Variants in ADK observed in about 807,000 individuals in gnomAD.
ADK encodes adenosine kinase.
ADK carries 24 observed loss-of-function variants against 44.7 expected under a neutral mutation model. The observed-to-expected ratio is 0.54, with a 90% CI of 0.39 to 0.76. The LOEUF (loss-of-function observed/expected upper bound fraction) is 0.76, where lower values mean the gene tolerates loss of function less well. ADK is among the 30% of genes least tolerant of loss of function. ADK has a pLI of 0.00. For missense variants in ADK, 321 were observed against 425.1 expected, an observed-to-expected ratio of 0.76 and a Z score of 2.15; for synonymous variants, 128 against 142.6, an observed-to-expected ratio of 0.90 and a Z score of 0.73.
intron 7 of ADK, among the ~76,000 whole-genome samples, chr10:74,531,655 TC>T (rs1353749282): frequency 6.6e-6 from 1 of 152,056 alleles, no homozygotes; most frequent in East Asian, 1.9e-4. Context: ...TACCTCAACC[TC>T]CCGAGAAGCT....
intron 7 of ADK, among the ~76,000 whole-genome samples, chr10:74,575,422 T>C (rs1007479423): frequency 1.6e-4 from 24 of 152,038 alleles, no homozygotes; most frequent in Non-Finnish European, 2.8e-4. Context: ...CTCCTGGAGG[T>C]AGAGAAAGGA....
chr10:74,335,029 C>G (rs1257078729), intron 4 of ADK, among the ~76,000 whole-genome samples: 2 of 152,130 alleles, frequency 1.3e-5, no homozygotes, highest in Non-Finnish European at 2.9e-5. Flanking sequence ...TAACCCTTCC[C>G]TCTCTAGCCT....
intron 4 of ADK, among the ~76,000 whole-genome samples, chr10:74,377,940 T>G (rs909745215): frequency 2.0e-5 from 3 of 152,138 alleles, no homozygotes; most frequent in Admixed American, 6.5e-5. Context: ...TCTAATAAAA[T>G]TTTTGGGTGA....
intron 7 of ADK, among the ~76,000 whole-genome samples, chr10:74,564,441 C>T (rs1169091213): frequency 6.6e-6 from 1 of 152,124 alleles, no homozygotes; most frequent in African/African-American, 2.4e-5. Flanking sequence ...TCCCATAATA[C>T]ATTTTGCTTT....
At chr10:74,486,922 G>A (rs529975679) in intron 6 of ADK, among the ~76,000 whole-genome samples, 14 of 152,148 alleles carry the variant, frequency 9.2e-5, no homozygotes, top group African/African-American at 3.4e-4. Flanking sequence ...AGATCTATGT[G>A]TACTATTTGT....
At chr10:74,550,891 G>A (rs145294824) in intron 7 of ADK, among the ~76,000 whole-genome samples, 16 of 152,208 alleles carry the variant, frequency 1.1e-4, no homozygotes, top group African/African-American at 3.1e-4. Flanking sequence ...TCGCTATGTT[G>A]CAGGTTTCAC....
rs199964125 is a variant in ADK at position 74,219,605 on chromosome 10, A to C, written c.141-4933A>C. Among the ~76,000 whole-genome samples the C allele has an allele frequency of 4.1e-3, 621 of 152,170 alleles. 6 individuals carry two copies. Among genetic ancestry groups the C allele is most frequent in the African/African-American group, 0.014 (578 of 41,490 alleles). On this transcript the variant is annotated intron_variant, in intron 2 of 10. Transcript: ENST00000539909. ...CACACCACACCTATTCCAAAATTGA[A>C]CACATAGTTGGAAGTAAAGCTCTCC... is the stretch of plus-strand genomic sequence containing the variant.
At chr10:74,260,773 A>C (rs1474807525) in intron 3 of ADK, among the ~76,000 whole-genome samples, 2 of 152,212 alleles carry the variant, frequency 1.3e-5, no homozygotes, top group Non-Finnish European at 2.9e-5. Flanking sequence ...TTTAAATATC[A>C]TCGAAGTTGA....
chr10:74,255,828 T>C (rs1158276147), intron 3 of ADK, among the ~76,000 whole-genome samples: 2 of 152,222 alleles, frequency 1.3e-5, no homozygotes, highest in African/African-American at 2.4e-5. Flanking sequence ...CATACTGCTG[T>C]TCTTTAAGAC....
chr10:74,170,712 A>G (rs1191988638), intron 1 of ADK, among the ~76,000 whole-genome samples: 1 of 151,180 alleles, frequency 6.6e-6, no homozygotes, highest in Admixed American at 6.6e-5. Flanking sequence ...AGGCAGGAGA[A>G]TGGCGTGAAT....
rs549535254 is a variant in ADK at position 74,598,242 on chromosome 10, G to A, written c.763-2137G>A. On this transcript the variant is annotated intron_variant, in intron 8 of 10. Coordinates refer to ENST00000539909, the MANE Select transcript of ADK (RefSeq NM_006721.4). ...TTGGGGACAGAGGAGAGGAATTACT[G>A]TAGAAGGAGAAATAAAGTTTTACAT... Among the ~76,000 whole-genome samples, 6 of 152,224 alleles carry A rather than the reference G, an allele frequency of 3.9e-5. No individual in the cohort carries two copies. In the South Asian group the frequency reaches 1.2e-3, roughly 32 times the overall value.
intron 9 of ADK, among the ~76,000 whole-genome samples, chr10:74,639,739 G>A (rs1853770039): frequency 6.6e-6 from 1 of 152,158 alleles, no homozygotes. Context: ...GGCAGACTGA[G>A]GCAGGAGAAT....
At chr10:74,251,476 A>G (rs1331502215) in intron 3 of ADK, among the ~76,000 whole-genome samples, 13 of 152,228 alleles carry the variant, frequency 8.5e-5, no homozygotes, top group Admixed American at 8.5e-4. Context: ...TATATGTTAT[A>G]GACTGATGAT....
intron 10 of ADK, among the ~76,000 whole-genome samples, chr10:74,702,551 C>CCTTCCTTCCTTT (rs1856466396): frequency 6.7e-6 from 1 of 149,254 alleles, no homozygotes; most frequent in Non-Finnish European, 1.5e-5. Flanking sequence ...TTCCTTCCTT[C>CCTTCCTTCCTTT]CTTCCTTCCT....
At chr10:74,571,765 T>G (rs1184096391) in intron 7 of ADK, among the ~76,000 whole-genome samples, 1 of 152,110 alleles carries the variant, frequency 6.6e-6, no homozygotes, top group Non-Finnish European at 1.5e-5. Flanking sequence ...TTTGAAGGGT[T>G]TTTTGTGTCT....
intron 10 of ADK, among the ~76,000 whole-genome samples, chr10:74,691,561 C>T (rs746298661): frequency 2.0e-5 from 3 of 152,096 alleles, no homozygotes; most frequent in Admixed American, 6.6e-5. Flanking sequence ...ATCAGGAATG[C>T]AAATGGTTAA....
chr10:74,241,478 C>T (rs1417021347), intron 3 of ADK, among the ~76,000 whole-genome samples: 1 of 151,486 alleles, frequency 6.6e-6, no homozygotes, highest in Non-Finnish European at 1.5e-5. Context: ...CTCTATCTCC[C>T]GGGTTCAAGC....
intron 7 of ADK, among the ~76,000 whole-genome samples, chr10:74,575,287 G>A (rs1164992112): frequency 1.3e-5 from 2 of 152,146 alleles, no homozygotes; most frequent in Admixed American, 6.5e-5. Flanking sequence ...TCTGCACCAA[G>A]AATGTATAAT....
At chr10:74,204,654 C>T (rs1467729192) in intron 2 of ADK, among the ~76,000 whole-genome samples, 2 of 152,194 alleles carry the variant, frequency 1.3e-5, no homozygotes, top group Non-Finnish European at 2.9e-5. Flanking sequence ...TCAGAAAATA[C>T]TACTATATAC....
Sources: allele counts gnomAD v4.1 joint callset (sites outside exome capture counted in the v4.1 genomes callset), GRCh38; gene constraint gnomAD v4.1.1; transcripts MANE v1.5; gene names NCBI Gene and HGNC (gene_info 2026-07-23, HGNC 2026-07-21).